Variants in ATP8B4 observed in about 807,000 individuals in gnomAD.
ATP8B4 encodes ATPase phospholipid transporting 8B4 (putative), also known as probable phospholipid-transporting ATPase IM.
In ATP8B4, 133 loss-of-function variants were observed where a neutral mutation model predicts 145.6. The ratio of observed to expected loss-of-function variants is 0.91; its 90% confidence interval spans 0.79 to 1.05. ATP8B4 has a LOEUF of 1.05. Among genes scored for constraint, ATP8B4 ranks in the 50% least tolerant of loss-of-function variants. ATP8B4 has a pLI of 0.00. For missense variants in ATP8B4, 1,458 were observed against 1,425.2 expected, an observed-to-expected ratio of 1.02 and a Z score of -0.37; for synonymous variants, 507 against 492.9, an observed-to-expected ratio of 1.03 and a Z score of -0.38.
At chr15:49,998,484 T>A (rs974902780) in intron 8 of ATP8B4, among the ~76,000 whole-genome samples, 1 of 152,250 alleles carries the variant, frequency 6.6e-6, no homozygotes, top group Non-Finnish European at 1.5e-5. Flanking sequence ...ATTTCTCTGA[T>A]GGCCAGTGAT....
At chr15:50,050,025 C>A (rs570463257) in intron 3 of ATP8B4, among the ~76,000 whole-genome samples, 16 of 152,204 alleles carry the variant, frequency 1.1e-4, no homozygotes, top group African/African-American at 3.9e-4. Context: ...AAGTCTAAGG[C>A]CTTTCTATGT....
intron 6 of ATP8B4, among the ~76,000 whole-genome samples, chr15:50,017,887 C>G (rs2049212248): frequency 6.6e-6 from 1 of 152,032 alleles, no homozygotes; most frequent in African/African-American, 2.4e-5. Flanking sequence ...TGTCCCAGAA[C>G]TTTTTAAGAA....
chr15:50,130,725 G>A (rs1003895351), intron 1 of ATP8B4, among the ~76,000 whole-genome samples: 4 of 151,958 alleles, frequency 2.6e-5, no homozygotes, highest in Non-Finnish European at 4.4e-5. Flanking sequence ...GCAGTGAGTC[G>A]AGATGGTGCC....
At chr15:49,936,362 G>A (rs2041736215) in intron 14 of ATP8B4, among the ~76,000 whole-genome samples, 1 of 152,120 alleles carries the variant, frequency 6.6e-6, no homozygotes, top group East Asian at 1.9e-4. Context: ...GATCATGGGA[G>A]GCAAAAGTTA....
At chr15:49,970,452 A>C (rs1187365762) in intron 13 of ATP8B4, among the ~76,000 whole-genome samples, 1 of 152,244 alleles carries the variant, frequency 6.6e-6, no homozygotes, top group African/African-American at 2.4e-5. Context: ...GTGTGCAAAA[A>C]TCAAAAGCAT....
Position 50,141,775 on chromosome 15 carries a change from T to A in ATP8B4, c.-42-34767A>T, listed in dbSNP as rs1353604391. On this transcript the variant is annotated intron_variant, in intron 1 of 3. Transcript: ENST00000558829. The stretch of plus-strand genomic sequence containing the variant: ...ATAAAGTTGTTTTAAAGAGTTAAAA[T>A]TTTTTAAAAGTGAAATAAAATTAAG... Among the ~76,000 whole-genome samples the A allele has an allele frequency of 4.7e-5, 7 of 149,356 alleles. No individual in the cohort carries two copies. The South Asian group carries it at 1.5e-3, about 31-fold the overall frequency.
chr15:50,117,571 A>G (rs1215621300), intron 1 of ATP8B4, among the ~76,000 whole-genome samples: 3 of 152,198 alleles, frequency 2.0e-5, no homozygotes, highest in Non-Finnish European at 4.4e-5. Flanking sequence ...AAGGCACAAT[A>G]TAGGTTAAAA....
At position 49,987,384 on chromosome 15, in the gene ATP8B4, GC is replaced by G; in HGVS notation, c.748+6del. On this transcript the variant is annotated splice_donor_region_variant and intron_variant, in intron 10 of 27. Coordinates refer to ENST00000284509, the MANE Select transcript of ATP8B4 (RefSeq NM_024837.4). Reference sequence around the variant, plus strand: ...CCACAGAGCTGGCCTTGGGTCACATGCTGTACCTGCAAAAATAACCATTCCA... The same window carrying G: ...CCACAGAGCTGGCCTTGGGTCACATGTGTACCTGCAAAAATAACCATTCCA... The G allele has an allele frequency of 6.2e-7, 1 of 1,613,046 alleles. No homozygotes were observed. Among genetic ancestry groups the G allele is most frequent in the Non-Finnish European group, 8.5e-7 (1 of 1,179,366 alleles).
chr15:49,984,836 G>A (rs1333969218), intron 10 of ATP8B4, among the ~76,000 whole-genome samples: 3 of 152,098 alleles, frequency 2.0e-5, no homozygotes, highest in Non-Finnish European at 4.4e-5. Context: ...AAAATGCAGT[G>A]TGCACTCAAG....
intron 1 of ATP8B4, among the ~76,000 whole-genome samples, chr15:50,112,242 G>C (rs955820642): frequency 5.9e-5 from 9 of 152,194 alleles, no homozygotes; most frequent in African/African-American, 2.2e-4. Context: ...GTGCAGGCCA[G>C]GAAAAAGCAC....
intron 26 of ATP8B4, among the ~76,000 whole-genome samples, chr15:49,864,149 C>G (rs970329561): frequency 6.6e-6 from 1 of 152,296 alleles, no homozygotes; most frequent in Admixed American, 6.5e-5. Flanking sequence ...TGGTAAACAA[C>G]GTATTACCAG....
In ATP8B4 at chr15:49,941,085, T is replaced by C. The variant is rs566020398; in HGVS notation, c.1288-6903A>G. Among the ~76,000 whole-genome samples, 5 of 152,008 alleles carry C rather than the reference T, an allele frequency of 3.3e-5. No homozygotes were observed. In the East Asian group the frequency reaches 7.7e-4, roughly 24 times the overall value. On this transcript the variant is annotated intron_variant, in intron 14 of 27. Transcript: ENST00000284509. The stretch of plus-strand genomic sequence containing the variant: ...GAAAAGAAAGAATTATGGTGGGGGA[T>C]AGGGAGTAGACATTTATAGGGGAGG...
chr15:50,127,379 A>G (rs939540198), intron 1 of ATP8B4, among the ~76,000 whole-genome samples: 6 of 152,240 alleles, frequency 3.9e-5, no homozygotes, highest in Non-Finnish European at 7.3e-5. Context: ...CAGTTCAGTA[A>G]CAATGGCCTT....
chr15:49,975,772 T>G (rs968663896), intron 12 of ATP8B4, among the ~76,000 whole-genome samples: 6 of 152,196 alleles, frequency 3.9e-5, no homozygotes, highest in African/African-American at 1.4e-4. Context: ...TTGACTAGAT[T>G]TATAATCATA....
At chr15:50,118,030 G>C (rs1409182868) in intron 1 of ATP8B4, among the ~76,000 whole-genome samples, 1 of 152,126 alleles carries the variant, frequency 6.6e-6, no homozygotes, top group African/African-American at 2.4e-5. Context: ...GTGAAGGTAG[G>C]CTGGTTAATG....
chr15:49,940,250 A>G (rs951656750), intron 14 of ATP8B4, among the ~76,000 whole-genome samples: 1 of 152,206 alleles, frequency 6.6e-6, no homozygotes, highest in African/African-American at 2.4e-5. Context: ...TTGTAGCCAC[A>G]TGGATGCAGC....
intron 2 of ATP8B4, among the ~76,000 whole-genome samples, chr15:50,078,419 C>A (rs749239205): frequency 5.3e-5 from 8 of 151,546 alleles, no homozygotes; most frequent in African/African-American, 1.5e-4. Context: ...AAACAGAGAA[C>A]AAGAAAAAGT....
chr15:50,181,699 C>T (rs528912038), intron 1 of ATP8B4, among the ~76,000 whole-genome samples: 3 of 152,272 alleles, frequency 2.0e-5, no homozygotes, highest in Non-Finnish European at 4.4e-5. Flanking sequence ...GAAGCCTTCG[C>T]TACAGGAGAC....
intron 3 of ATP8B4, among the ~76,000 whole-genome samples, chr15:50,055,375 G>A (rs2052523294): frequency 6.6e-6 from 1 of 152,128 alleles, no homozygotes; most frequent in African/African-American, 2.4e-5. Flanking sequence ...TGCAAGATCA[G>A]TTTGCTTTTT....
Sources: gnomAD v4.1 joint callset for allele counts (sites outside exome capture counted in the v4.1 genomes callset) on GRCh38, gnomAD v4.1.1 for gene constraint, MANE v1.5 for transcripts, NCBI Gene and HGNC (gene_info 2026-07-23, HGNC 2026-07-21) for gene names.